The following GSE1 variants were observed in gnomAD, a reference collection of about 807,000 sequenced individuals.
GSE1 encodes the protein Gse1 coiled-coil protein.
In GSE1, 32 loss-of-function variants were observed where a neutral mutation model predicts 112.6. The observed-to-expected ratio is 0.28, with a 90% CI of 0.21 to 0.38. The LOEUF (loss-of-function observed/expected upper bound fraction) is 0.38, where lower values mean the gene tolerates loss of function less well. Among genes scored for constraint, GSE1 ranks in the 10% least tolerant of loss-of-function variants. The probability of loss-of-function intolerance (pLI) is 1.00; values close to 1 mark genes in which losing one functional copy is unlikely to be tolerated. For synonymous variants in GSE1, 1,115 were observed against 735.6 expected (o/e 1.52, Z -8.35); for missense variants, 2,348 against 1,699.2 (o/e 1.38, Z -6.71).
At chr16:85,244,851 C>A (rs1457152199) in intron 1 of GSE1, among the ~76,000 whole-genome samples, 1 of 151,750 alleles carries the variant, frequency 6.6e-6, no homozygotes, top group Admixed American at 6.6e-5. Context: ...ATTAGCCGTG[C>A]GTGATGGCAC....
chr16:85,565,554 G>A (rs2045711799), intron 1 of GSE1, among the ~76,000 whole-genome samples: 1 of 152,186 alleles, frequency 6.6e-6, no homozygotes, highest in African/African-American at 2.4e-5. Flanking sequence ...GGCCCATGGC[G>A]AAGGGTCCCT....
intron 2 of GSE1, among the ~76,000 whole-genome samples, chr16:85,457,608 T>C (rs1339545514): frequency 1.3e-5 from 2 of 152,204 alleles, no homozygotes. Flanking sequence ...GGCCCCAGGC[T>C]ACCTGCACAC....
At chr16:85,476,927 T>C (rs1009107340) in intron 2 of GSE1, among the ~76,000 whole-genome samples, 11 of 145,640 alleles carry the variant, frequency 7.6e-5, no homozygotes, top group African/African-American at 2.5e-4. Flanking sequence ...ATGTGGTTCT[T>C]TTTTTTTTTT....
chr16:85,656,245 C>T (rs1413938315), intron 6 of GSE1, 98 bp from the exon 7 acceptor site: 1 of 1,455,250 alleles, frequency 6.9e-7, no homozygotes, highest in South Asian at 1.3e-5. Flanking sequence ...CAGATTAGCG[C>T]CCTGGCTCGT....
intron 2 of GSE1, among the ~76,000 whole-genome samples, chr16:85,457,354 A>T (rs2049857656): frequency 6.6e-6 from 1 of 152,142 alleles, no homozygotes; most frequent in East Asian, 1.9e-4. Flanking sequence ...CCCAGACTGG[A>T]CCGCAGCTGT....
At chr16:85,343,859 A>T (rs1356132971) in intron 1 of GSE1, among the ~76,000 whole-genome samples, 4 of 152,064 alleles carry the variant, frequency 2.6e-5, no homozygotes, top group Non-Finnish European at 5.9e-5. Flanking sequence ...CCTCCCGGGG[A>T]CCTGTGGGAA....
intron 2 of GSE1, among the ~76,000 whole-genome samples, chr16:85,637,230 T>C (rs576349235): frequency 6.6e-6 from 1 of 152,352 alleles, no homozygotes; most frequent in East Asian, 1.9e-4. Flanking sequence ...TCTGTAGATG[T>C]ACCTGTGGGC....
chr16:85,654,672 G>C, intron 4 of GSE1, 122 bp from the exon 5 acceptor site: 1 of 748,856 alleles, frequency 1.3e-6, no homozygotes, highest in South Asian at 1.6e-5. Context: ...CCTCGTTCGG[G>C]GTGCCAGGAG....
intron 2 of GSE1, among the ~76,000 whole-genome samples, chr16:85,429,326 G>A (rs1191058571): frequency 6.6e-6 from 1 of 152,230 alleles, no homozygotes; most frequent in African/African-American, 2.4e-5. Context: ...GTGCATGGAG[G>A]AGCTCCCCGC....
intron 1 of GSE1, among the ~76,000 whole-genome samples, chr16:85,318,927 G>A (rs1435791308): frequency 2.6e-5 from 4 of 152,246 alleles, no homozygotes; most frequent in Admixed American, 2.6e-4. Flanking sequence ...ACATGGATGA[G>A]GCAGTGTTTA....
intron 2 of GSE1, among the ~76,000 whole-genome samples, chr16:85,404,796 CCT>C (rs1398864549): frequency 2.4e-5 from 1 of 41,426 alleles, no homozygotes; most frequent in African/African-American, 1.5e-4. Flanking sequence ...TCAGGGCCCC[CCT>C]GGATAATCCT....
intron 2 of GSE1, among the ~76,000 whole-genome samples, chr16:85,507,097 TG>T (rs1388174068): frequency 6.6e-6 from 1 of 152,182 alleles, no homozygotes; most frequent in Non-Finnish European, 1.5e-5. Context: ...TTGGTTGGCG[TG>T]GCTGTGTGGC....
rs144920258 is a variant in GSE1 at position 85,666,100 on chromosome 16, G to C, written c.2883G>C (p.Ser961=). Reference sequence around the variant, plus strand: ...AACAGGTCCGGCCCCAGGAGCTGTCGAGAGTCCAGGAGCTAGCTCCTGCCA... The same window carrying C: ...AACAGGTCCGGCCCCAGGAGCTGTCCAGAGTCCAGGAGCTAGCTCCTGCCA... ...KLEQVRPQEL[S]RVQELAPASG... The change falls in exon 13 of 16, where the codon TCG becomes TCC. Residue 961 remains serine (S), a synonymous_variant. Transcript: ENST00000253458. The C allele has an allele frequency of 8.1e-6, 13 of 1,613,052 alleles. No homozygotes were observed. The highest frequency in any genetic ancestry group is 1.6e-4 in the Middle Eastern group (1 of 6,084).
chr16:85,505,259 C>T (rs866549096), intron 2 of GSE1, among the ~76,000 whole-genome samples: 2 of 152,250 alleles, frequency 1.3e-5, no homozygotes, highest in Middle Eastern at 6.8e-3. Context: ...TGAGGCCTTT[C>T]CCTCACTTTT....
chr16:85,363,675 T>G (rs2047128738), intron 2 of GSE1, among the ~76,000 whole-genome samples: 1 of 152,320 alleles, frequency 6.6e-6, no homozygotes, highest in South Asian at 2.1e-4. Flanking sequence ...AGCCTGATTT[T>G]CCCATGCTGT....
At position 85,344,171 on chromosome 16, in the gene GSE1, G is replaced by C. The variant is rs1463872647; in HGVS notation, c.2284-13292G>C. On this transcript the variant is annotated intron_variant, in intron 1 of 2. Transcript: ENST00000637419. ...TGGGATGTGGCACTAATGGACATGGGGTGGGATGCGGCCAGCCCTGCCCGG... is the reference window on the plus strand; with the variant it reads ...TGGGATGTGGCACTAATGGACATGGCGTGGGATGCGGCCAGCCCTGCCCGG... 2.0e-5 allele frequency among the ~76,000 whole-genome samples: 3 copies of C among 152,210 alleles called. No homozygotes were observed. In the East Asian group the frequency reaches 5.8e-4, roughly 29 times the overall value.
At chr16:85,283,297 G>A (rs1008261629) in intron 1 of GSE1, 4 of 152,838 alleles carry the variant, frequency 2.6e-5, no homozygotes, top group African/African-American at 7.2e-5. Context: ...GACTGGCAGA[G>A]ACTGAAAACG....
intron 2 of GSE1, among the ~76,000 whole-genome samples, chr16:85,486,709 G>A (rs973789962): frequency 2.0e-5 from 3 of 152,098 alleles, no homozygotes; most frequent in Non-Finnish European, 2.9e-5. Flanking sequence ...GCCTCCAGCA[G>A]CCTCTCCATG....
upstream of GSE1, chr16:85,555,343 C>T (rs1156293563): frequency 2.0e-6 from 2 of 985,100 alleles, no homozygotes; most frequent in Non-Finnish European, 2.4e-6. Context: ...TCCTTCCACC[C>T]CCTCTCTCTG....
Sources: allele counts gnomAD v4.1 joint callset (sites outside exome capture counted in the v4.1 genomes callset), GRCh38; gene constraint gnomAD v4.1.1; transcripts MANE v1.5; gene names NCBI Gene and HGNC (gene_info 2026-07-23, HGNC 2026-07-21).